Variants in RUBCN observed in about 807,000 individuals in gnomAD.
RUBCN encodes the protein run domain Beclin-1-interacting and cysteine-rich domain-containing protein.
In RUBCN, 74 loss-of-function variants were observed where a neutral mutation model predicts 113.2. The ratio of observed to expected loss-of-function variants is 0.65; its 90% confidence interval spans 0.54 to 0.79. RUBCN has a LOEUF of 0.79. RUBCN is among the 30% of genes least tolerant of loss of function. The probability of loss-of-function intolerance (pLI) is 0.00; values close to 1 mark genes in which losing one functional copy is unlikely to be tolerated. For missense variants in RUBCN, 1,109 were observed against 1,251.7 expected (o/e 0.89, Z 1.72); for synonymous variants, 480 against 490.0 (o/e 0.98, Z 0.27).
chr3:197,690,472 G>C (rs1395619868), intron 11 of RUBCN, among the ~76,000 whole-genome samples: 1 of 152,192 alleles, frequency 6.6e-6, no homozygotes, highest in Non-Finnish European at 1.5e-5. Flanking sequence ...TTTTGTTGTT[G>C]TTTTTGTGTT....
chr3:197,691,752 C>T (rs747149310), intron 11 of RUBCN, among the ~76,000 whole-genome samples: 6 of 152,050 alleles, frequency 3.9e-5, no homozygotes, highest in Middle Eastern at 3.2e-3. Context: ...GTCAAGTGGA[C>T]GGATCTGAAT....
chr3:197,685,388 T>C (rs1721727481), intron 11 of RUBCN, among the ~76,000 whole-genome samples: 1 of 152,128 alleles, frequency 6.6e-6, no homozygotes, highest in South Asian at 2.1e-4. Context: ...ACACCAATCT[T>C]GTATGGCATC....
In RUBCN at chr3:197,693,822, A is replaced by G; in HGVS notation, c.1685-6T>C. On this transcript the variant is annotated splice_polypyrimidine_tract_variant and splice_region_variant and intron_variant, in intron 10 of 19. Transcript: ENST00000296343. ...GCTGGAGGTGACCCGAAAGCCTGTT[A>G]TGTTTAAAAACAAAAAGGAATAAAC... 1 of 1,607,936 alleles carries G rather than the reference A, an allele frequency of 6.2e-7. No homozygotes were observed. The highest frequency in any genetic ancestry group is 8.5e-7 in the Non-Finnish European group (1 of 1,174,326).
chr3:197,749,683 G>A, exon 1 of RUBCN: 1 of 684,020 alleles, frequency 1.5e-6, no homozygotes, highest in Non-Finnish European at 2.5e-6. Context: ...CAGTTTGGGC[G>A]GAAAGTCGAA....
At chr3:197,704,972 C>T (rs1580274622) in intron 3 of RUBCN, 120 bp downstream of exon 3, 1 of 833,682 alleles carries the variant, frequency 1.2e-6, no homozygotes, top group East Asian at 2.6e-5. Flanking sequence ...ATTTCCTTTC[C>T]TCAGCTGATA....
chr3:197,700,568 A>G (rs746237463), intron 7 of RUBCN, 45 bp downstream of exon 7: 33 of 1,604,656 alleles, frequency 2.1e-5, no homozygotes, highest in Non-Finnish European at 2.7e-5. Flanking sequence ...TCTTACTCTC[A>G]ATTCAGGGTC....
At chr3:197,686,739 G>A (rs1343595510) in intron 11 of RUBCN, among the ~76,000 whole-genome samples, 1 of 152,220 alleles carries the variant, frequency 6.6e-6, no homozygotes, top group African/African-American at 2.4e-5. Context: ...CAGCATCCAA[G>A]TGGAATTTAA....
chr3:197,707,976 A>T (rs1057212220), intron 2 of RUBCN, among the ~76,000 whole-genome samples: 8 of 150,646 alleles, frequency 5.3e-5, no homozygotes, highest in Non-Finnish European at 7.4e-5. Flanking sequence ...AAAAAAAAAA[A>T]TAATAATAAT....
At chr3:197,743,168 C>T (rs1466174115) in intron 1 of RUBCN, among the ~76,000 whole-genome samples, 4 of 151,808 alleles carry the variant, frequency 2.6e-5, no homozygotes, top group Admixed American at 6.6e-5. Context: ...TCTTGAGTTT[C>T]TTAAGGGCAG....
intron 9 of RUBCN, among the ~76,000 whole-genome samples, chr3:197,695,372 G>C (rs148100997): frequency 1.3e-5 from 2 of 152,302 alleles, no homozygotes; most frequent in East Asian, 3.9e-4. Flanking sequence ...CCAGCACTTA[G>C]GGAGGCCAAG....
chr3:197,721,632 C>T (rs975859749), intron 1 of RUBCN, among the ~76,000 whole-genome samples: 9 of 151,906 alleles, frequency 5.9e-5, no homozygotes, highest in Non-Finnish European at 1.2e-4. Flanking sequence ...TTTCCTTCTA[C>T]TAATTCTGGG....
chr3:197,716,130 A>G (rs560165161), intron 2 of RUBCN, among the ~76,000 whole-genome samples: 32 of 152,152 alleles, frequency 2.1e-4, no homozygotes, highest in African/African-American at 7.7e-4. Flanking sequence ...TCATCTTTTC[A>G]TTCTTTTGTT....
intron 2 of RUBCN, among the ~76,000 whole-genome samples, chr3:197,715,432 G>T (rs1725418353): frequency 6.6e-6 from 1 of 152,022 alleles, no homozygotes; most frequent in Admixed American, 6.6e-5. Flanking sequence ...TTCTAAATAT[G>T]ACAATATTTT....
intron 11 of RUBCN, among the ~76,000 whole-genome samples, chr3:197,686,454 G>A (rs1382348745): frequency 2.0e-5 from 3 of 152,354 alleles, no homozygotes; most frequent in East Asian, 1.9e-4. Context: ...ACTGGAGGGA[G>A]AGAAGCACAC....
At chr3:197,695,715 C>T (rs1722926115) in intron 9 of RUBCN, 151 bp downstream of exon 9, 1 of 743,088 alleles carries the variant, frequency 1.3e-6, no homozygotes, top group South Asian at 1.5e-5. Flanking sequence ...TGCAGAGTTC[C>T]TCAGAAACAG....
chr3:197,679,910 T>G (rs1721001988), intron 16 of RUBCN, among the ~76,000 whole-genome samples: 1 of 139,376 alleles, frequency 7.2e-6, no homozygotes, highest in African/African-American at 2.8e-5. Context: ...CTTCAGACTG[T>G]CCTACGCTCT....
At position 197,680,338 on chromosome 3, in the gene RUBCN, C is replaced by T. The variant is rs532852143; in HGVS notation, c.2430+791G>A. ...CTGTCCTACGCTCTGACAACTGGCTCCAGACTGTCCTACGCTCTAACTGAC... is the reference window on the plus strand; with the variant it reads ...CTGTCCTACGCTCTGACAACTGGCTTCAGACTGTCCTACGCTCTAACTGAC... On this transcript the variant is annotated intron_variant, in intron 16 of 19. Transcript: ENST00000296343. 3.7e-4 allele frequency among the ~76,000 whole-genome samples: 49 copies of T among 133,978 alleles called. 1 individual carries two copies. The highest frequency in any genetic ancestry group is 1.2e-3 in the African/African-American group (42 of 35,348). 87.9% of individuals were successfully genotyped at this position (133,978 alleles called of 152,430 possible). A position where few individuals can be genotyped will look rare whatever the true frequency, so the allele number is the denominator to read the frequency against.
intron 11 of RUBCN, 86 bp downstream of exon 11, chr3:197,693,629 C>T: frequency 1.1e-6 from 1 of 928,762 alleles, no homozygotes; most frequent in Non-Finnish European, 1.8e-6. Context: ...TGAAGATCTT[C>T]TACTTAGGAA....
Position 197,669,895 on chromosome 3 carries a change from A to T in RUBCN, c.*5123T>A, listed in dbSNP as rs960997686. Among the ~76,000 whole-genome samples, 1 of 152,072 alleles carries T rather than the reference A, an allele frequency of 6.6e-6. No homozygotes were observed. ...TTTCCCCATGTTACTATCATAATTT[A>T]TTTTTTTGTTTGAGACAGAGTCCCA... On this transcript the variant is annotated 3_prime_UTR_variant, in exon 20 of 20. Transcript: ENST00000296343.
Sources: gnomAD v4.1 joint callset for allele counts (sites outside exome capture counted in the v4.1 genomes callset) on GRCh38, gnomAD v4.1.1 for gene constraint, MANE v1.5 for transcripts, NCBI Gene and HGNC (gene_info 2026-07-23, HGNC 2026-07-21) for gene names.